Variants in TRIM49 observed in about 807,000 individuals in gnomAD.
TRIM49 encodes the protein tripartite motif containing 49.
A neutral mutation model predicts 27.4 loss-of-function variants in TRIM49; 5 were observed. That is an observed-to-expected ratio of 0.18 (90% CI 0.10 to 0.38). TRIM49 has a LOEUF of 0.38. Among genes scored for constraint, TRIM49 ranks in the 10% least tolerant of loss-of-function variants. The pLI is 1.00. For missense variants in TRIM49, 188 were observed against 487.5 expected, an observed-to-expected ratio of 0.39 and a Z score of 5.79; for synonymous variants, 69 against 166.0, an observed-to-expected ratio of 0.42 and a Z score of 4.49.
chr11:89,787,802 CAGG>C, the TRIM49 span: 1 of 527,808 alleles, frequency 1.9e-6, no homozygotes. Context: ...GGCCAAGGTG[CAGG>C]AGAAGCGCCC....
At chr11:89,767,795 C>T in the TRIM49 span, among the ~76,000 whole-genome samples, 1 of 134,956 alleles carries the variant, frequency 7.4e-6, no homozygotes, top group Non-Finnish European at 1.5e-5. Context: ...TGAAACTTCA[C>T]CTGAAATGTA....
the TRIM49 span, among the ~76,000 whole-genome samples, chr11:89,790,631 G>A: frequency 6.6e-6 from 1 of 151,928 alleles, no homozygotes; most frequent in African/African-American, 2.4e-5. Flanking sequence ...TGATACCCAG[G>A]CAAACAGTGT....
downstream of TRIM49, among the ~76,000 whole-genome samples, chr11:89,795,801 G>T (rs1294798442): frequency 6.6e-6 from 1 of 150,454 alleles, no homozygotes; most frequent in Non-Finnish European, 1.5e-5. Flanking sequence ...GGAGTTAATG[G>T]GTGCAGCACA....
chr11:89,775,051 G>A, the TRIM49 span, among the ~76,000 whole-genome samples: 1 of 126,266 alleles, frequency 7.9e-6, no homozygotes, highest in Non-Finnish European at 1.5e-5. Flanking sequence ...TTCAAAATTT[G>A]CAGTTTGCAG....
At chr11:89,790,731 C>T in the TRIM49 span, among the ~76,000 whole-genome samples, 3 of 151,888 alleles carry the variant, frequency 2.0e-5, no homozygotes, top group Non-Finnish European at 4.4e-5. Flanking sequence ...AGGACATCCA[C>T]ACCAAAACCC....
intron 4 of TRIM49, among the ~76,000 whole-genome samples, 164 bp downstream of exon 4, chr11:89,803,534 T>C (rs1333208208): frequency 5.3e-5 from 8 of 151,902 alleles, no homozygotes; most frequent in Non-Finnish European, 1.0e-4. Flanking sequence ...ACAGGCATAC[T>C]ATTCTATATA....
chr11:89,790,421 C>A, the TRIM49 span, among the ~76,000 whole-genome samples: 7 of 150,966 alleles, frequency 4.6e-5, no homozygotes, highest in Non-Finnish European at 1.0e-4. Flanking sequence ...GTTCTCCCAG[C>A]ACAGAGTTTG....
intron 1 of TRIM49, among the ~76,000 whole-genome samples, chr11:89,808,189 T>C (rs975050492): frequency 7.0e-6 from 1 of 142,792 alleles, no homozygotes; most frequent in African/African-American, 2.9e-5. Context: ...CTATGCCAAG[T>C]CTTTTTGTTG....
At chr11:89,784,764 T>A in the TRIM49 span, among the ~76,000 whole-genome samples, 32 of 144,696 alleles carry the variant, frequency 2.2e-4, no homozygotes, top group African/African-American at 8.9e-4. Context: ...TCTTTTAATT[T>A]AGCTCAGATT....
At chr11:89,774,851 T>C in the TRIM49 span, among the ~76,000 whole-genome samples, 2 of 143,422 alleles carry the variant, frequency 1.4e-5, no homozygotes, top group East Asian at 4.1e-4. Context: ...GTTTTCTGTA[T>C]TGTTAGATTT....
At chr11:89,807,666 C>T (rs1949798135) in intron 1 of TRIM49, among the ~76,000 whole-genome samples, 5 of 151,016 alleles carry the variant, frequency 3.3e-5, no homozygotes, top group Admixed American at 3.3e-4. Flanking sequence ...GTAGCTACGA[C>T]TTTAGGCTCA....
the TRIM49 span, among the ~76,000 whole-genome samples, chr11:89,776,687 C>G: frequency 7.2e-5 from 11 of 152,132 alleles, no homozygotes; most frequent in Admixed American, 7.2e-4. Context: ...GATAGGTTTA[C>G]GTTACATGCA....
intron 2 of TRIM49, among the ~76,000 whole-genome samples, chr11:89,805,723 GT>G (rs56724617): frequency 0.38 from 50,858 of 135,568 alleles, 7,264 homozygotes; most frequent in African/African-American, 0.6. Flanking sequence ...GTTTTTTTTT[GT>G]TTTTTTTTTT....
chr11:89,790,499 C>T, the TRIM49 span, among the ~76,000 whole-genome samples: 5 of 151,996 alleles, frequency 3.3e-5, no homozygotes, highest in African/African-American at 4.8e-5. Flanking sequence ...AGGCACCCCC[C>T]AGTAGGGGCA....
the TRIM49 span, among the ~76,000 whole-genome samples, chr11:89,771,418 G>C: frequency 9.1e-6 from 1 of 109,942 alleles, no homozygotes; most frequent in South Asian, 2.8e-4. Flanking sequence ...TTGATATTTT[G>C]AAGAAAAAAG....
the TRIM49 span, among the ~76,000 whole-genome samples, chr11:89,785,226 G>GAATAAATAAACAAATA: frequency 7.5e-6 from 1 of 133,214 alleles, no homozygotes; most frequent in African/African-American, 3.1e-5. Flanking sequence ...CTGCCTCAGT[G>GAATAAATAAACAAATA]AATAAATAAA....
chr11:89,776,190 T>C, the TRIM49 span, among the ~76,000 whole-genome samples: 2 of 132,580 alleles, frequency 1.5e-5, no homozygotes, highest in East Asian at 4.4e-4. Context: ...ATATCCATGT[T>C]TCATACCCGT....
At chr11:89,773,185 C>G in the TRIM49 span, among the ~76,000 whole-genome samples, 1 of 133,528 alleles carries the variant, frequency 7.5e-6, no homozygotes, top group East Asian at 2.1e-4. Flanking sequence ...AGGGAGACTG[C>G]GTCTCAAAAA....
chr11:89,766,674 G>A, the TRIM49 span: 8 of 1,512,596 alleles, frequency 5.3e-6, 1 homozygote, highest in Admixed American at 1.8e-5. Flanking sequence ...GGAATTCTTG[G>A]TGACATTCAA....
Sources: gnomAD v4.1 joint callset for allele counts (sites outside exome capture counted in the v4.1 genomes callset) on GRCh38, gnomAD v4.1.1 for gene constraint, MANE v1.5 for transcripts, NCBI Gene and HGNC (gene_info 2026-07-23, HGNC 2026-07-21) for gene names.